The following AAMDC variants were observed in gnomAD, a reference collection of about 807,000 sequenced individuals.
AAMDC encodes mth938 domain-containing protein.
In AAMDC, 16 loss-of-function variants were observed where a neutral mutation model predicts 15.5. That is an observed-to-expected ratio of 1.03 (90% CI 0.70 to 1.57). The LOEUF (loss-of-function observed/expected upper bound fraction) is 1.57, where lower values mean the gene tolerates loss of function less well. Among genes scored for constraint, AAMDC ranks in the 40% most tolerant of loss-of-function variants. The pLI is 0.00. For synonymous variants in AAMDC, 51 were observed against 51.6 expected (o/e 0.99, Z 0.05); for missense variants, 141 against 144.9 (o/e 0.97, Z 0.14).
intron 1 of AAMDC, among the ~76,000 whole-genome samples, chr11:77,827,376 C>T (rs1273280241): frequency 6.6e-6 from 1 of 152,128 alleles, no homozygotes; most frequent in African/African-American, 2.4e-5. Flanking sequence ...CTAGCAAACA[C>T]AGCAATCCTC....
intron 2 of AAMDC, among the ~76,000 whole-genome samples, chr11:77,846,062 A>G (rs1950133497): frequency 6.6e-6 from 1 of 151,882 alleles, no homozygotes; most frequent in Admixed American, 6.6e-5. Flanking sequence ...AACACCGGAA[A>G]TCAACTCCCC....
At chr11:77,857,594 T>C (rs1192719929) in intron 2 of AAMDC, among the ~76,000 whole-genome samples, 1 of 152,180 alleles carries the variant, frequency 6.6e-6, no homozygotes, top group Admixed American at 6.5e-5. Context: ...TTTATTTTAA[T>C]TTTACTTTAA....
chr11:77,874,746 CAA>C (rs929684107), downstream of AAMDC, among the ~76,000 whole-genome samples: 10 of 152,082 alleles, frequency 6.6e-5, no homozygotes, highest in Non-Finnish European at 1.5e-4. Context: ...GTGGTTAAGA[CAA>C]GAAGTTGGCC....
In AAMDC at chr11:77,821,198, A is replaced by G. The variant is rs1948880608; in HGVS notation, c.-62A>G. The G allele has an allele frequency of 3.1e-6, 1 of 325,602 alleles. No homozygotes were observed. Among genetic ancestry groups the G allele is most frequent in the South Asian group, 1.2e-4 (1 of 8,512 alleles). 20.2% of individuals were successfully genotyped at this position (325,602 alleles called of 1,614,324 possible). Reference sequence around the variant, plus strand: ...CTGGGAGCGTAAGTGCGGGCAGAGCACTGCGCCGTTTGGGAACGCAACTTT... The same window carrying G: ...CTGGGAGCGTAAGTGCGGGCAGAGCGCTGCGCCGTTTGGGAACGCAACTTT... On this transcript the variant is annotated 5_prime_UTR_variant, in exon 1 of 4. Coordinates refer to ENST00000393427, the MANE Select transcript of AAMDC (RefSeq NM_024684.4).
chr11:77,828,135 C>T (rs568123674), intron 1 of AAMDC, among the ~76,000 whole-genome samples: 18 of 152,014 alleles, frequency 1.2e-4, no homozygotes, highest in African/African-American at 3.6e-4. Context: ...ACTAGCTGGG[C>T]ATGGTGATGC....
chr11:77,849,098 G>A (rs912793977), intron 2 of AAMDC, among the ~76,000 whole-genome samples: 3 of 151,094 alleles, frequency 2.0e-5, no homozygotes, highest in Admixed American at 6.6e-5. Context: ...GTGCAATGGC[G>A]CCATTATTGT....
chr11:77,903,206 T>C (rs1381029609), downstream of AAMDC, among the ~76,000 whole-genome samples: 10 of 152,240 alleles, frequency 6.6e-5, no homozygotes, highest in African/African-American at 2.4e-4. Flanking sequence ...TGTCTCCTAG[T>C]TATGCTCCTT....
Position 77,869,835 on chromosome 11 carries a change from C to T in AAMDC, c.228+18C>T, listed in dbSNP as rs373656193. The T allele has an allele frequency of 1.9e-6, 3 of 1,606,068 alleles. No homozygotes were observed. The highest frequency in any genetic ancestry group is 1.3e-5 in the African/African-American group (1 of 74,718). Reference sequence around the variant, plus strand: ...CCTTGAAGGTAGGTGTTGGTATGCACAGCATTCCTGAGGACAGGTGGGGAT... The same window carrying T: ...CCTTGAAGGTAGGTGTTGGTATGCATAGCATTCCTGAGGACAGGTGGGGAT... On this transcript the variant is annotated intron_variant, in intron 3 of 3. Transcript: ENST00000393427.
chr11:77,853,077 G>T (rs967223669), intron 2 of AAMDC, among the ~76,000 whole-genome samples: 2 of 152,198 alleles, frequency 1.3e-5, no homozygotes, highest in African/African-American at 4.8e-5. Flanking sequence ...TGTGCTTAAA[G>T]AGTAAATGTA....
intron 1 of AAMDC, among the ~76,000 whole-genome samples, chr11:77,840,109 C>T (rs1406602662): frequency 6.6e-6 from 1 of 152,068 alleles, no homozygotes; most frequent in Non-Finnish European, 1.5e-5. Flanking sequence ...CACACACACA[C>T]ACACACACAC....
Position 77,859,642 on chromosome 11 carries a change from C to T in AAMDC, c.133-10080C>T, listed in dbSNP as rs376936657. 2.1e-3 allele frequency among the ~76,000 whole-genome samples: 324 copies of T among 152,294 alleles called. 4 individuals are homozygous for T. Among genetic ancestry groups the T allele is most frequent in the African/African-American group, 6.7e-3 (280 of 41,562 alleles). ...ATTCCATTATCACTGAGGCATACCC[C>T]GCATTTTGAAGTCCTTTTTCTACAA... On this transcript the variant is annotated intron_variant, in intron 2 of 3. Transcript: ENST00000393427.
intron 5 of AAMDC, among the ~76,000 whole-genome samples, chr11:77,878,120 TG>T (rs917604229): frequency 2.0e-5 from 3 of 152,150 alleles, no homozygotes; most frequent in Admixed American, 2.0e-4. Flanking sequence ...CCCAGCATTT[TG>T]GGAGGCCAAG....
chr11:77,885,856 G>C (rs1029983038), intron 5 of AAMDC, among the ~76,000 whole-genome samples: 1 of 151,696 alleles, frequency 6.6e-6, no homozygotes, highest in African/African-American at 2.4e-5. Flanking sequence ...GAAGGGCAGA[G>C]GGGGGCTGAA....
At chr11:77,900,335 G>A (rs1403640134) in intron 5 of AAMDC, among the ~76,000 whole-genome samples, 4 of 151,672 alleles carry the variant, frequency 2.6e-5, no homozygotes, top group Non-Finnish European at 5.9e-5. Flanking sequence ...TCCTGACCTC[G>A]TGATCTGCCC....
chr11:77,823,833 C>A (rs528114321), intron 1 of AAMDC, among the ~76,000 whole-genome samples: 312 of 152,030 alleles, frequency 2.1e-3, no homozygotes, highest in African/African-American at 7.1e-3. Context: ...ATTATGTGAA[C>A]CTTGCCTGTA....
chr11:77,821,241 GGTGA>G lies in AAMDC; in HGVS notation c.-19+3_-19+6del, dbSNP rs1200594869. The G allele has an allele frequency of 4.0e-6, 1 of 252,174 alleles. No individual in the cohort carries two copies. Among genetic ancestry groups the G allele is most frequent in the East Asian group, 7.6e-5 (1 of 13,148 alleles). The allele number at this position is 252,174 out of a possible 1,614,324, so 15.6% of individuals were successfully genotyped here. ...GCAACTTTGAGGAGACAGTGCGGTG[GGTGA>G]GTTTGCGGGGGAATCCTGAAACTGG... On this transcript the variant is annotated splice_donor_variant and splice_donor_region_variant and intron_variant, in intron 1 of 3. Transcript: ENST00000393427. LOFTEE classifies it low-confidence loss of function (5UTR_SPLICE).
chr11:77,870,527 C>CG (rs1381387639), intron 3 of AAMDC, among the ~76,000 whole-genome samples: 1 of 151,388 alleles, frequency 6.6e-6, no homozygotes, highest in African/African-American at 2.4e-5. Context: ...TTAGTAGAGA[C>CG]GGGGTTTCAC....
chr11:77,860,572 A>AG (rs954430584), intron 2 of AAMDC, among the ~76,000 whole-genome samples: 1 of 152,260 alleles, frequency 6.6e-6, no homozygotes, highest in Non-Finnish European at 1.5e-5. Flanking sequence ...GGCAGCTAAA[A>AG]GTAAATCATC....
intron 2 of AAMDC, among the ~76,000 whole-genome samples, chr11:77,852,237 A>AAAAAAAAAAAAAAAAAAAAAAAAAAAAAC (rs1196414164): frequency 6.7e-6 from 1 of 149,082 alleles, no homozygotes; most frequent in Non-Finnish European, 1.5e-5. Flanking sequence ...AAAAAAAAAA[A>AAAAAAAAAAAAAAAAAAAAAAAAAAAAAC]AAAAGAAGAA....
Sources: gnomAD v4.1 joint callset for allele counts (sites outside exome capture counted in the v4.1 genomes callset) on GRCh38, gnomAD v4.1.1 for gene constraint, MANE v1.5 for transcripts, NCBI Gene and HGNC (gene_info 2026-07-23, HGNC 2026-07-21) for gene names.